TRAPPC11: variants seen among roughly 807,000 people sequenced by gnomAD.
TRAPPC11 encodes the protein trafficking protein particle complex subunit 11.
A neutral mutation model predicts 151.2 loss-of-function variants in TRAPPC11; 104 were observed. The observed-to-expected ratio is 0.69, with a 90% CI of 0.59 to 0.81. TRAPPC11 has a LOEUF of 0.81. Among genes scored for constraint, TRAPPC11 ranks in the 30% least tolerant of loss-of-function variants. TRAPPC11 has a pLI of 0.00. For missense variants in TRAPPC11, 1,230 were observed against 1,349.6 expected, an observed-to-expected ratio of 0.91 and a Z score of 1.39; for synonymous variants, 456 against 472.3, an observed-to-expected ratio of 0.97 and a Z score of 0.45.
At chr4:183,701,134 C>T (rs1323121507) in intron 25 of TRAPPC11, 2 of 152,634 alleles carry the variant, frequency 1.3e-5, no homozygotes, top group East Asian at 1.9e-4. Context: ...GTGTGAGCCA[C>T]CACACCTGGA....
Position 183,708,617 on chromosome 4 carries a change from AAAAC to A in TRAPPC11, c.3357+49_3357+52del, listed in dbSNP as rs763127139. On this transcript the variant is annotated intron_variant, in intron 29 of 29. Transcript: ENST00000334690. Reference sequence around the variant, plus strand: ...TCTGCTTTTTAAATTCAAAGTCTTAAAAACAAACAGACTTCTTTTTCATGTAAAC... The same window carrying A: ...TCTGCTTTTTAAATTCAAAGTCTTAAAAACAGACTTCTTTTTCATGTAAAC... 19 of 1,568,238 alleles carry A rather than the reference AAAAC, an allele frequency of 1.2e-5. No individual in the cohort carries two copies. The African/African-American group carries it at 1.5e-4, about 12-fold the overall frequency.
chr4:183,695,668 G>A (rs982519761), intron 23 of TRAPPC11, among the ~76,000 whole-genome samples: 1 of 152,116 alleles, frequency 6.6e-6, no homozygotes, highest in Non-Finnish European at 1.5e-5. Context: ...TTAGGAATTG[G>A]GTCCTCAGCC....
chr4:183,712,805 AT>A lies in TRAPPC11; in HGVS notation c.*163del, dbSNP rs762862699. 6 of 563,186 alleles carry A rather than the reference AT, an allele frequency of 1.1e-5. No homozygotes were observed. Among genetic ancestry groups the A allele is most frequent in the Non-Finnish European group, 1.5e-5 (5 of 324,936 alleles). 34.9% of individuals were successfully genotyped at this position (563,186 alleles called of 1,614,324 possible). A position where few individuals can be genotyped will look rare whatever the true frequency, so the allele number is the denominator to read the frequency against. ...TCAGAGGAACTCATACTTCAAAAATATTAGGAAAATCTGTCTTATAGTTTCT... is the reference window on the plus strand; with the variant it reads ...TCAGAGGAACTCATACTTCAAAAATATAGGAAAATCTGTCTTATAGTTTCT... On this transcript the variant is annotated 3_prime_UTR_variant, in exon 30 of 30. Transcript: ENST00000334690.
At chr4:183,669,845 C>T (rs554621043) in intron 5 of TRAPPC11, among the ~76,000 whole-genome samples, 106 of 152,316 alleles carry the variant, frequency 7.0e-4, no homozygotes, top group African/African-American at 2.5e-3. Context: ...TTTAGGCGGT[C>T]ATGGATTCAA....
intron 29 of TRAPPC11, among the ~76,000 whole-genome samples, chr4:183,712,382 C>T (rs1376685090): frequency 6.6e-6 from 1 of 152,170 alleles, no homozygotes; most frequent in African/African-American, 2.4e-5. Context: ...GGGCAGCTCC[C>T]AGCCTGTGCC....
chr4:183,664,162 A>G, intron 2 of TRAPPC11, 91 bp downstream of exon 2: 1 of 1,166,544 alleles, frequency 8.6e-7, no homozygotes, highest in Non-Finnish European at 1.3e-6. Context: ...TGTGGAGTTT[A>G]TCAAGACAGT....
chr4:183,706,488 A>G (rs943006558), intron 27 of TRAPPC11, among the ~76,000 whole-genome samples: 6 of 151,160 alleles, frequency 4.0e-5, no homozygotes, highest in Non-Finnish European at 7.4e-5. Flanking sequence ...GCACCACTGC[A>G]CTCCAGCCTG....
At chr4:183,697,952 G>A in intron 25 of TRAPPC11, 117 bp downstream of exon 25, 1 of 932,868 alleles carries the variant, frequency 1.1e-6, no homozygotes, top group Non-Finnish European at 1.6e-6. Context: ...GGGAACTTGA[G>A]ACCTGCACTC....
chr4:183,671,449 C>A (rs1042432311), intron 5 of TRAPPC11, among the ~76,000 whole-genome samples: 3 of 152,182 alleles, frequency 2.0e-5, no homozygotes, highest in Non-Finnish European at 2.9e-5. Flanking sequence ...CCCCACCCCT[C>A]ATCCCCCGCA....
intron 18 of TRAPPC11, among the ~76,000 whole-genome samples, chr4:183,690,288 A>G (rs1170199708): frequency 5.9e-5 from 9 of 152,220 alleles, no homozygotes; most frequent in Admixed American, 5.9e-4. Context: ...GCGGGAAAGT[A>G]TAATACTTGA....
chr4:183,706,393 G>A (rs535202585), intron 27 of TRAPPC11, among the ~76,000 whole-genome samples: 1 of 152,154 alleles, frequency 6.6e-6, no homozygotes, highest in South Asian at 2.1e-4. Context: ...CATGGTGGCG[G>A]GCACCTGTAG....
rs753053265 is a variant in TRAPPC11, at chr4:183,693,153, T to C, written c.2237+6T>C. On this transcript the variant is annotated splice_donor_region_variant and intron_variant, in intron 20 of 29. Transcript: ENST00000334690. ...ATAATTCAGGCAAGCACAATGTAAG[T>C]CTGCTTTGCTAAGCTGATATTAAAG... The C allele has an allele frequency of 1.3e-6, 2 of 1,580,142 alleles. No individual in the cohort carries two copies. Among genetic ancestry groups the C allele is most frequent in the African/African-American group, 2.7e-5 (2 of 73,678 alleles).
Position 183,706,799 on chromosome 4 carries a change from C to A in TRAPPC11, c.3056-8C>A. 1 of 1,607,614 alleles carries A rather than the reference C, an allele frequency of 6.2e-7. No individual in the cohort carries two copies. The highest frequency in any genetic ancestry group is 8.5e-7 in the Non-Finnish European group (1 of 1,175,986). On this transcript the variant is annotated splice_polypyrimidine_tract_variant and splice_region_variant and intron_variant, in intron 27 of 29. Coordinates refer to ENST00000334690, the MANE Select transcript of TRAPPC11 (RefSeq NM_021942.6). ...AAACCAAGAGAAGTGTGTCATCTTT[C>A]TCTGTAGATCTGCCGTCATTTGGGC...
intron 10 of TRAPPC11, among the ~76,000 whole-genome samples, chr4:183,681,156 A>C (rs910368397): frequency 6.6e-6 from 1 of 151,510 alleles, no homozygotes; most frequent in Non-Finnish European, 1.5e-5. Flanking sequence ...ATATATTTAT[A>C]TTTATATTGT....
chr4:183,668,108 A>G lies in TRAPPC11; in HGVS notation c.551A>G (p.Tyr184Cys). The stretch of plus-strand genomic sequence containing the variant: ...CCGCACACTGACCACCTTGTGGGTT[A>G]TATTATAAGGTAAGTAGAGGTCTTT... The part of the protein sequence containing the change: ...VLPHTDHLVG[Y>C]IIRLENAFYE... The change falls in exon 5 of 30, where the codon TAT (tyrosine) becomes TGT (cysteine). Residue 184 changes from tyrosine to cysteine, a missense_variant. Coordinates refer to ENST00000334690, the MANE Select transcript of TRAPPC11 (RefSeq NM_021942.6). 1 of 1,599,026 alleles carries G rather than the reference A, an allele frequency of 6.3e-7. No individual in the cohort carries two copies. The highest frequency in any genetic ancestry group is 8.5e-7 in the Non-Finnish European group (1 of 1,170,030).
At chr4:183,703,548 T>C (rs1736902422) in intron 26 of TRAPPC11, among the ~76,000 whole-genome samples, 1 of 152,238 alleles carries the variant, frequency 6.6e-6, no homozygotes. Context: ...TTAGCCAAAC[T>C]AAATCTGTAC....
rs1424352745 is a variant in TRAPPC11 at position 183,705,207 on chromosome 4, C to T, written c.3055+137C>T. The T allele has an allele frequency of 5.4e-6, 3 of 558,364 alleles. No individual in the cohort carries two copies. The African/African-American group carries it at 5.5e-5, about 10-fold the overall frequency. 34.6% of individuals were successfully genotyped at this position (558,364 alleles called of 1,614,324 possible). Reference sequence around the variant, plus strand: ...TAAAAGTAGCTTATGGCCAGTCTTGCTTCCTCTCTACTTCTACACACTCCT... The same window carrying T: ...TAAAAGTAGCTTATGGCCAGTCTTGTTTCCTCTCTACTTCTACACACTCCT... On this transcript the variant is annotated intron_variant, in intron 27 of 29. Transcript: ENST00000334690.
intron 27 of TRAPPC11, chr4:183,705,957 A>T (rs1461300670): frequency 6.6e-6 from 1 of 152,162 alleles, no homozygotes; most frequent in Non-Finnish European, 1.5e-5. Context: ...CATACATGTA[A>T]ATGGGACTGG....
intron 6 of TRAPPC11, 62 bp downstream of exon 6, chr4:183,674,874 A>G (rs1459888363): frequency 9.7e-7 from 1 of 1,029,072 alleles, no homozygotes; most frequent in African/African-American, 1.7e-5. Flanking sequence ...TTTTGAGGTG[A>G]TTATTACATG....
Sources: allele counts gnomAD v4.1 joint callset (sites outside exome capture counted in the v4.1 genomes callset), GRCh38; gene constraint gnomAD v4.1.1; transcripts MANE v1.5; gene names NCBI Gene and HGNC (gene_info 2026-07-23, HGNC 2026-07-21).